EHBP1: variants seen among roughly 807,000 people sequenced by gnomAD.
EHBP1 encodes the protein EH domain binding protein 1, also known as EH domain-binding protein 1.
EHBP1 carries 55 observed loss-of-function variants against 144.0 expected under a neutral mutation model. The ratio of observed to expected loss-of-function variants is 0.38; its 90% CI spans 0.31 to 0.48. The LOEUF (loss-of-function observed/expected upper bound fraction) is 0.48. EHBP1 is among the 20% of genes least tolerant of loss of function. The pLI is 0.98. For missense variants in EHBP1, 1,200 were observed against 1,364.2 expected (o/e 0.88, Z 1.90); for synonymous variants, 469 against 472.7 (o/e 0.99, Z 0.10).
chr2:62,893,841 C>T (rs1210809279), intron 10 of EHBP1, among the ~76,000 whole-genome samples: 2 of 152,076 alleles, frequency 1.3e-5, no homozygotes, highest in Non-Finnish European at 2.9e-5. Flanking sequence ...CTCAGGAGTT[C>T]GAGACCAGCC....
intron 5 of EHBP1, chr2:62,772,270 G>A (rs1374662624): frequency 5.9e-5 from 9 of 151,976 alleles, no homozygotes; most frequent in African/African-American, 1.7e-4. Context: ...TGTTTATTTG[G>A]GTTGAGAGAT....
At chr2:63,042,281 C>A (rs1444769862) in intron 21 of EHBP1, among the ~76,000 whole-genome samples, 1 of 152,002 alleles carries the variant, frequency 6.6e-6, no homozygotes, top group Non-Finnish European at 1.5e-5. Context: ...TACTTAATTT[C>A]TCAAATTAGC....
intron 2 of EHBP1, among the ~76,000 whole-genome samples, chr2:62,730,025 G>A (rs923717715): frequency 6.6e-6 from 1 of 152,016 alleles, no homozygotes; most frequent in African/African-American, 2.4e-5. Flanking sequence ...TGTTTTCTTA[G>A]TGCATATAAA....
At chr2:62,842,094 CT>C (rs555042055) in intron 7 of EHBP1, among the ~76,000 whole-genome samples, 14 of 147,356 alleles carry the variant, frequency 9.5e-5, no homozygotes, top group Admixed American at 1.4e-4. Context: ...CCCTCAAAGC[CT>C]TTTTTTTTTG....
intron 10 of EHBP1, among the ~76,000 whole-genome samples, chr2:62,930,203 A>T (rs2055873996): frequency 6.6e-6 from 1 of 152,174 alleles, no homozygotes; most frequent in South Asian, 2.1e-4. Flanking sequence ...AGTTGTGACC[A>T]TGCTGCTGCA....
chr2:62,820,717 G>C (rs2045886943), intron 5 of EHBP1, among the ~76,000 whole-genome samples: 2 of 127,504 alleles, frequency 1.6e-5, no homozygotes, highest in East Asian at 4.3e-4. Context: ...TTGGGTGTGT[G>C]TGTGTGTGTG....
intron 10 of EHBP1, among the ~76,000 whole-genome samples, chr2:62,920,434 G>A (rs2054980199): frequency 1.3e-5 from 2 of 152,172 alleles, no homozygotes; most frequent in African/African-American, 2.4e-5. Context: ...CCAAAGCTAA[G>A]GGAATGTATT....
At chr2:62,846,018 G>A (rs141657207) in intron 7 of EHBP1, among the ~76,000 whole-genome samples, 41 of 152,208 alleles carry the variant, frequency 2.7e-4, no homozygotes, top group South Asian at 4.1e-4. Context: ...AGAGACTGAC[G>A]TCATCAGGAA....
At chr2:62,984,081 A>G (rs561737387) in intron 15 of EHBP1, among the ~76,000 whole-genome samples, 1 of 152,320 alleles carries the variant, frequency 6.6e-6, no homozygotes, top group African/African-American at 2.4e-5. Context: ...TTTCTGTAGA[A>G]TAACTTCAAA....
chr2:62,871,193 A>G (rs562119110), intron 9 of EHBP1, among the ~76,000 whole-genome samples: 2 of 152,362 alleles, frequency 1.3e-5, no homozygotes, highest in South Asian at 2.1e-4. Context: ...AGGTATTCCA[A>G]GATACATGAG....
At chr2:62,706,105 G>A (rs2034532328) in intron 1 of EHBP1, 53 bp downstream of exon 1, 1 of 154,302 alleles carries the variant, frequency 6.5e-6, no homozygotes, top group Non-Finnish European at 1.4e-5. Flanking sequence ...CTCGGGGTCC[G>A]GGCTGGGGTC....
chr2:62,943,057 C>T (rs1373745317), intron 11 of EHBP1, among the ~76,000 whole-genome samples, 161 bp downstream of exon 11: 1 of 152,120 alleles, frequency 6.6e-6, no homozygotes, highest in Non-Finnish European at 1.5e-5. Context: ...TTTCCTTTTT[C>T]ATACCTAAAA....
chr2:62,713,396 C>G (rs994883913), intron 2 of EHBP1, among the ~76,000 whole-genome samples: 1 of 151,944 alleles, frequency 6.6e-6, no homozygotes, highest in African/African-American at 2.4e-5. Context: ...CATGTACCAC[C>G]ATGTCTGGCT....
At chr2:62,936,380 C>T (rs1362627327) in intron 10 of EHBP1, among the ~76,000 whole-genome samples, 1 of 152,154 alleles carries the variant, frequency 6.6e-6, no homozygotes, top group African/African-American at 2.4e-5. Context: ...AGTCACACTA[C>T]AGGTTTAATT....
At chr2:62,768,569 G>C (rs373894239) in intron 4 of EHBP1, among the ~76,000 whole-genome samples, 46 of 152,288 alleles carry the variant, frequency 3.0e-4, no homozygotes, top group African/African-American at 1.1e-3. Flanking sequence ...TGAGTTCACA[G>C]CCAAATTCTA....
rs531539266 is a variant in EHBP1, at chr2:62,689,672, A to G, written c.-296+15589A>G. 3.9e-5 allele frequency among the ~76,000 whole-genome samples: 6 copies of G among 152,296 alleles called. No homozygotes were observed. In the South Asian group the frequency reaches 1.2e-3, roughly 32 times the overall value. On this transcript the variant is annotated intron_variant, in intron 1 of 22. Transcript: ENST00000405015. Reference sequence around the variant, plus strand: ...CAGAGCAAGACTCTGTCTCAAAATAATAATAATAATAATTTTAAAAATTGT... The same window carrying G: ...CAGAGCAAGACTCTGTCTCAAAATAGTAATAATAATAATTTTAAAAATTGT...
Position 62,874,459 on chromosome 2 carries a change from T to C in EHBP1, c.1112T>C (p.Val371Ala). ...RVKRKAPAPP[V>A]LSPKTGVLNE... is the part of the protein sequence containing the mutation. ...AAAAGAAAGGCCCCGGCTCCACCAG[T>C]CCTCTCACCAAAAACAGGAGTATTA... Residue 371 changes from valine (V) to alanine (A), a missense_variant, in exon 10 of 23, where the codon GTC (valine) becomes GCC (alanine). Coordinates refer to ENST00000431489, the MANE Select transcript of EHBP1 (RefSeq NM_001142616.3). 1 of 1,613,412 alleles carries C rather than the reference T, an allele frequency of 6.2e-7. No individual in the cohort carries two copies. The highest frequency in any genetic ancestry group is 1.3e-5 in the African/African-American group (1 of 75,016).
intron 10 of EHBP1, among the ~76,000 whole-genome samples, chr2:62,916,044 G>T (rs2054588478): frequency 6.6e-6 from 1 of 152,254 alleles, no homozygotes; most frequent in South Asian, 2.1e-4. Context: ...AAATGAGCTA[G>T]GTGTGGTAGT....
intron 1 of EHBP1, among the ~76,000 whole-genome samples, chr2:62,696,754 T>C (rs751579736): frequency 1.2e-4 from 19 of 152,026 alleles, no homozygotes; most frequent in Non-Finnish European, 2.4e-4. Context: ...CTTGACCTCG[T>C]CTTCCACCCT....
Sources: gnomAD v4.1 joint callset for allele counts (sites outside exome capture counted in the v4.1 genomes callset) on GRCh38, gnomAD v4.1.1 for gene constraint, MANE v1.5 for transcripts, NCBI Gene and HGNC (gene_info 2026-07-23, HGNC 2026-07-21) for gene names.